P2RX3: variants seen among roughly 807,000 people sequenced by gnomAD.
P2RX3 encodes purinergic receptor P2X 3.
Under a neutral mutation model 51.5 loss-of-function variants are expected in P2RX3, and 41 were observed. The observed-to-expected ratio is 0.80, with a 90% CI of 0.62 to 1.03. The LOEUF is 1.03. Among genes scored for constraint, P2RX3 ranks in the 50% least tolerant of loss-of-function variants. The pLI is 0.00. For synonymous variants in P2RX3, 185 were observed against 191.6 expected (o/e 0.97, Z 0.29); for missense variants, 459 against 522.1 (o/e 0.88, Z 1.18).
chr11:57,370,116 CAT>C lies in P2RX3; in HGVS notation c.*121_*122del. 7 of 727,582 alleles carry C rather than the reference CAT, an allele frequency of 9.6e-6. No individual in the cohort carries two copies. The highest frequency in any genetic ancestry group is 1.4e-5 in the Non-Finnish European group (6 of 434,114). 45.1% of individuals were successfully genotyped at this position (727,582 alleles called of 1,614,324 possible). A position where few individuals can be genotyped will look rare whatever the true frequency, so the allele number is the denominator to read the frequency against. ...TCATTTCTGCTGCTCATTCCATGAG[CAT>C]AGCTGGGACCCAAGTGTCTGGGCCT... On this transcript the variant is annotated 3_prime_UTR_variant, in exon 12 of 12. Transcript: ENST00000263314.
chr11:57,355,970 G>A (rs1396744841), intron 8 of P2RX3, among the ~76,000 whole-genome samples: 1 of 152,154 alleles, frequency 6.6e-6, no homozygotes, highest in African/African-American at 2.4e-5. Context: ...TTTGAGACCA[G>A]CCTGGGCAGC....
chr11:57,348,330 C>A (rs1484097073), intron 5 of P2RX3, 67 bp downstream of exon 5: 3 of 1,385,788 alleles, frequency 2.2e-6, no homozygotes, highest in African/African-American at 1.4e-5. Context: ...CATGTGGGAG[C>A]CGTGCGTCTC....
intron 8 of P2RX3, among the ~76,000 whole-genome samples, chr11:57,355,498 G>A (rs974659259): frequency 9.2e-5 from 14 of 151,866 alleles, no homozygotes; most frequent in African/African-American, 2.9e-4. Context: ...CCGCCACCAC[G>A]CCCAGCTAAT....
At chr11:57,356,532 A>G (rs1856634322) in intron 8 of P2RX3, among the ~76,000 whole-genome samples, 1 of 152,214 alleles carries the variant, frequency 6.6e-6, no homozygotes, top group African/African-American at 2.4e-5. Context: ...TGATCGTTTT[A>G]TGTTGGAAAT....
chr11:57,348,228 G>C lies in P2RX3; in HGVS notation c.450G>C (p.Gln150His). Residue 150 changes from glutamine (Q) to histidine (H), a missense_variant, in exon 5 of 12, where the codon CAG becomes CAC. By Grantham distance (24) the Gln-to-His change is conservative. Coordinates refer to ENST00000263314, the MANE Select transcript of P2RX3 (RefSeq NM_002559.5). Reference protein sequence around the residue: ...YSSVLRTCEIQGWCPTEVDTV... With the variant: ...YSSVLRTCEIHGWCPTEVDTV... The stretch of plus-strand genomic sequence containing the variant: ...CTGTGCTCCGGACCTGTGAGATCCA[G>C]GGCTGGTGCCCCACGGAGGTGGACA... 6.2e-7 allele frequency: 1 copy of C among 1,604,552 alleles called. No individual in the cohort carries two copies. The highest frequency in any genetic ancestry group is 8.5e-7 in the Non-Finnish European group (1 of 1,175,964).
At chr11:57,347,328 T>C (rs1360846616) in intron 3 of P2RX3, 87 bp from the exon 4 acceptor site, 23 of 1,496,996 alleles carry the variant, frequency 1.5e-5, no homozygotes, top group Admixed American at 7.8e-5. Flanking sequence ...CTCCTGAGGC[T>C]GTTGGTTATG....
chr11:57,348,672 C>T lies in P2RX3; in HGVS notation c.531C>T (p.Asn177=). 2 of 1,613,878 alleles carry T rather than the reference C, an allele frequency of 1.2e-6. No individual in the cohort carries two copies. The highest frequency in any genetic ancestry group is 4.5e-5 in the East Asian group (2 of 44,886). ...EAENFTIFIK[N]SIRFPLFNFE... is the part of the protein sequence containing the mutation. Reference sequence around the variant, plus strand: ...AGAACTTCACTATTTTCATCAAGAACAGCATCCGTTTCCCCCTCTTCAACT... The same window carrying T: ...AGAACTTCACTATTTTCATCAAGAATAGCATCCGTTTCCCCCTCTTCAACT... The change falls in exon 6 of 12, where the codon AAC becomes AAT. Residue 177 remains asparagine, a synonymous_variant. Coordinates refer to ENST00000263314, the MANE Select transcript of P2RX3 (RefSeq NM_002559.5).
intron 8 of P2RX3, among the ~76,000 whole-genome samples, chr11:57,357,090 G>A (rs144152893): frequency 1.6e-3 from 249 of 152,174 alleles, no homozygotes; most frequent in African/African-American, 5.8e-3. Flanking sequence ...AGGCCAAGGC[G>A]GGCAGATCAC....
At chr11:57,369,214 T>C in intron 10 of P2RX3, 147 bp from the exon 11 acceptor site, 1 of 693,116 alleles carries the variant, frequency 1.4e-6, no homozygotes, top group Non-Finnish European at 2.5e-6. Context: ...ACCATAGCAC[T>C]ATCCCAAAAG....
intron 8 of P2RX3, among the ~76,000 whole-genome samples, chr11:57,356,949 C>G (rs1213541463): frequency 1.3e-5 from 2 of 152,198 alleles, no homozygotes; most frequent in Non-Finnish European, 2.9e-5. Flanking sequence ...TTAGCTAACA[C>G]TCATTGAACA....
chr11:57,343,075 C>T (rs1363995977), intron 1 of P2RX3, among the ~76,000 whole-genome samples: 1 of 152,254 alleles, frequency 6.6e-6, no homozygotes, highest in Non-Finnish European at 1.5e-5. Flanking sequence ...GCCCTGGCCT[C>T]CAGAGACAGC....
chr11:57,363,185 A>G (rs1590639396), intron 8 of P2RX3, among the ~76,000 whole-genome samples: 2 of 152,220 alleles, frequency 1.3e-5, no homozygotes, highest in East Asian at 3.8e-4. Flanking sequence ...CCTGGGATAT[A>G]GCATCATGGG....
At chr11:57,361,557 T>C (rs910133190) in intron 8 of P2RX3, among the ~76,000 whole-genome samples, 8 of 152,178 alleles carry the variant, frequency 5.3e-5, no homozygotes, top group African/African-American at 1.9e-4. Flanking sequence ...GGTTTTCTGT[T>C]CTTGTGTTAG....
At position 57,369,997 on chromosome 11, in the gene P2RX3, G is replaced by C; in HGVS notation, c.1194G>C (p.Ter398TyrextTer39). The C allele has an allele frequency of 6.2e-7, 1 of 1,605,636 alleles. No homozygotes were observed. The highest frequency in any genetic ancestry group is 1.3e-5 in the African/African-American group (1 of 74,962). ...TDSGAFSIGH[*>Y] is the part of the protein sequence containing the mutation. ...CGGGGGCCTTCTCCATAGGCCACTA[G>C]GGCCTCTTTCCAGGGCCCCACACTC... Residue 398 changes from the stop codon to tyrosine (Y), a stop_lost, in exon 12 of 12, where the codon TAG (stop) becomes TAC (tyrosine). Coordinates refer to ENST00000263314, the MANE Select transcript of P2RX3 (RefSeq NM_002559.5).
At chr11:57,362,297 C>T (rs576628109) in intron 8 of P2RX3, among the ~76,000 whole-genome samples, 2 of 152,280 alleles carry the variant, frequency 1.3e-5, no homozygotes, top group Admixed American at 1.3e-4. Context: ...GGCAGGTGGA[C>T]TGGGCCAGGT....
chr11:57,356,633 T>C (rs1035996334), intron 8 of P2RX3, among the ~76,000 whole-genome samples: 27 of 152,214 alleles, frequency 1.8e-4, no homozygotes, highest in African/African-American at 6.3e-4. Context: ...CTTAGGCCAA[T>C]TGACAGAGAC....
chr11:57,336,937 A>C (rs902840638), upstream of P2RX3, among the ~76,000 whole-genome samples: 3 of 152,196 alleles, frequency 2.0e-5, no homozygotes, highest in African/African-American at 7.2e-5. Flanking sequence ...TAATAAATAG[A>C]TATTGAGGGC....
intron 8 of P2RX3, among the ~76,000 whole-genome samples, chr11:57,357,326 A>G (rs1261086772): frequency 2.0e-5 from 3 of 152,190 alleles, no homozygotes; most frequent in Non-Finnish European, 4.4e-5. Flanking sequence ...AAAAAAATAA[A>G]AAAAGATATA....
At chr11:57,352,278 A>G (rs1856560827) in intron 8 of P2RX3, among the ~76,000 whole-genome samples, 1 of 152,186 alleles carries the variant, frequency 6.6e-6, no homozygotes, top group African/African-American at 2.4e-5. Context: ...CTCTGGAAAG[A>G]AGAATCTTTA....
Sources: gnomAD v4.1 joint callset for allele counts (sites outside exome capture counted in the v4.1 genomes callset) on GRCh38, gnomAD v4.1.1 for gene constraint, MANE v1.5 for transcripts, NCBI Gene and HGNC (gene_info 2026-07-23, HGNC 2026-07-21) for gene names.